UBE2U: variants seen among roughly 807,000 people sequenced by gnomAD.
UBE2U encodes ubiquitin-conjugating enzyme E2 U.
A neutral mutation model predicts 41.2 loss-of-function variants in UBE2U; 39 were observed. The observed-to-expected ratio is 0.95, with a 90% CI of 0.73 to 1.24. The LOEUF (loss-of-function observed/expected upper bound fraction) is 1.24. Ranked by LOEUF, UBE2U falls within the 50% of genes most tolerant of loss-of-function variation. The pLI is 0.00. For missense variants in UBE2U, 336 were observed against 363.1 expected, an observed-to-expected ratio of 0.93 and a Z score of 0.61; for synonymous variants, 107 against 117.8, an observed-to-expected ratio of 0.91 and a Z score of 0.60.
intron 9 of UBE2U, among the ~76,000 whole-genome samples, chr1:64,265,026 G>A (rs1246286564): frequency 1.3e-5 from 2 of 152,144 alleles, no homozygotes; most frequent in Non-Finnish European, 2.9e-5. Context: ...AATATGCTGG[G>A]CACTTCAGGG....
At chr1:64,254,438 C>T (rs776575466) in intron 8 of UBE2U, among the ~76,000 whole-genome samples, 1 of 152,148 alleles carries the variant, frequency 6.6e-6, no homozygotes, top group African/African-American at 2.4e-5. Flanking sequence ...ACTCTCCACC[C>T]AAAAACAACA....
chr1:64,239,156 G>GAAGAAGAAGA (rs1557730922), intron 7 of UBE2U, among the ~76,000 whole-genome samples: 1 of 28,398 alleles, frequency 3.5e-5, no homozygotes, highest in Non-Finnish European at 6.5e-5. Context: ...AGAAGAAGAA[G>GAAGAAGAAGA]AAAGAAGAAG....
chr1:64,267,032 TTTC>T lies in UBE2U; in HGVS notation c.781_783del (p.Leu261del). The T allele has an allele frequency of 6.5e-7, 1 of 1,547,982 alleles. No homozygotes were observed. The highest frequency in any genetic ancestry group is 8.7e-7 in the Non-Finnish European group (1 of 1,146,446). On this transcript the variant is annotated inframe_deletion, in exon 10 of 10. Coordinates refer to ENST00000371077, the MANE Select transcript of UBE2U (RefSeq NM_001366232.2). ...TATAATTCCCACCACAGATGAAATTTTTCTTGAGTCACCAACTGCAATAAATAG... is the reference window on the plus strand; with the variant it reads ...TATAATTCCCACCACAGATGAAATTTTTGAGTCACCAACTGCAATAAATAG...
chr1:64,226,668 AAAG>A (rs1431720629), intron 6 of UBE2U, among the ~76,000 whole-genome samples: 2 of 152,116 alleles, frequency 1.3e-5, no homozygotes, highest in Non-Finnish European at 2.9e-5. Flanking sequence ...CCATCTCTTA[AAAG>A]AAGAAAAAGA....
At chr1:64,205,529 A>G in intron 1 of UBE2U, 110 bp from the exon 2 acceptor site, 1 of 852,322 alleles carries the variant, frequency 1.2e-6, no homozygotes, top group Non-Finnish European at 1.8e-6. Flanking sequence ...CTTATCAAGG[A>G]AAGAAAATTT....
chr1:64,253,543 C>G (rs1570134735), intron 8 of UBE2U, among the ~76,000 whole-genome samples: 1 of 152,120 alleles, frequency 6.6e-6, no homozygotes, highest in African/African-American at 2.4e-5. Context: ...TAGGGAAGCC[C>G]ATCAGACTAA....
chr1:64,261,473 A>G (rs1310764211), intron 9 of UBE2U, among the ~76,000 whole-genome samples: 1 of 152,194 alleles, frequency 6.6e-6, no homozygotes, highest in East Asian at 1.9e-4. Context: ...GCCACTAAAC[A>G]TAACAGCATA....
intron 6 of UBE2U, among the ~76,000 whole-genome samples, chr1:64,222,865 G>GGCAGTT (rs1198875967): frequency 1.3e-5 from 2 of 152,162 alleles, no homozygotes; most frequent in Non-Finnish European, 2.9e-5. Context: ...GATATATCCA[G>GGCAGTT]GCAGTTGGAC....
In UBE2U at chr1:64,267,082, A is replaced by T; in HGVS notation, c.828A>T (p.Thr276=). Reference sequence around the variant, plus strand: ...ATAGCATCACAGACATTTATGAAACAGAAGAGGAGGGGTGGAAGAGTGACA... The same window carrying T: ...ATAGCATCACAGACATTTATGAAACTGAAGAGGAGGGGTGGAAGAGTGACA... ...AINSITDIYE[T]EEEGWKSDTS... is the part of the protein sequence containing the mutation. The change falls in exon 10 of 10, where the codon ACA becomes ACT. Residue 276 remains threonine, a synonymous_variant. Transcript: ENST00000371077. The T allele has an allele frequency of 6.4e-7, 1 of 1,550,492 alleles. No individual in the cohort carries two copies. Among genetic ancestry groups the T allele is most frequent in the Non-Finnish European group, 8.7e-7 (1 of 1,146,970 alleles).
At chr1:64,243,782 A>G (rs1193018718) in intron 8 of UBE2U, among the ~76,000 whole-genome samples, 1 of 152,130 alleles carries the variant, frequency 6.6e-6, no homozygotes, top group East Asian at 1.9e-4. Flanking sequence ...GCCTCGGATC[A>G]GCAAGGTCTT....
intron 8 of UBE2U, among the ~76,000 whole-genome samples, chr1:64,248,180 C>T (rs1472590097): frequency 6.6e-6 from 1 of 152,040 alleles, no homozygotes; most frequent in African/African-American, 2.4e-5. Context: ...TTAATGGGTT[C>T]GCTCTCCCTC....
At chr1:64,247,530 A>G (rs972385519) in intron 8 of UBE2U, among the ~76,000 whole-genome samples, 1 of 152,058 alleles carries the variant, frequency 6.6e-6, no homozygotes, top group African/African-American at 2.4e-5. Context: ...TATGGCGGAT[A>G]AGTAAGTTCT....
At chr1:64,239,130 A>AAGGAGAAGGAGAAGGAGAAGGAGAAGG (rs1557730284) in intron 7 of UBE2U, among the ~76,000 whole-genome samples, 8 of 23,176 alleles carry the variant, frequency 3.5e-4, no homozygotes, top group African/African-American at 1.7e-3. Flanking sequence ...GAAGAAGAAG[A>AAGGAGAAGGAGAAGGAGAAGGAGAAGG]AGAAGAAGAA....
intron 4 of UBE2U, among the ~76,000 whole-genome samples, chr1:64,213,972 A>T (rs963375558): frequency 6.6e-6 from 1 of 152,202 alleles, no homozygotes; most frequent in Non-Finnish European, 1.5e-5. Context: ...GTACAGTAAA[A>T]ATTTGGTATT....
intron 8 of UBE2U, among the ~76,000 whole-genome samples, chr1:64,251,244 G>T (rs997600939): frequency 1.3e-5 from 2 of 150,716 alleles, no homozygotes; most frequent in African/African-American, 4.9e-5. Context: ...TTAAATCAAG[G>T]TTACATTCCT....
In UBE2U at chr1:64,241,732, A is replaced by T. The variant is rs1644838337; in HGVS notation, c.676A>T (p.Lys226Ter). ...DLQHQKEWNL[K>*]YSVIKCWLAR... Reference sequence around the variant, plus strand: ...ACAGCATCAGAAAGAATGGAATTTAAAGTAAGAAATATGAAGTGCCTTGAA... The same window carrying T: ...ACAGCATCAGAAAGAATGGAATTTATAGTAAGAAATATGAAGTGCCTTGAA... The change falls in exon 8 of 10, where the codon AAG becomes TAG. Residue 226 changes from lysine to a stop codon, truncating the protein, a stop_gained and splice_region_variant. Transcript: ENST00000371077. LOFTEE classifies it high-confidence loss of function. The T allele has an allele frequency of 6.2e-7, 1 of 1,605,582 alleles. No individual in the cohort carries two copies. Among genetic ancestry groups the T allele is most frequent in the Non-Finnish European group, 8.5e-7 (1 of 1,175,150 alleles).
rs56972795 is a variant in UBE2U at position 64,208,603 on chromosome 1, CAAAAAAAAAAAAAAAAAAAAA to C, written c.241+1770_241+1790del. The stretch of plus-strand genomic sequence containing the variant: ...TGGGCAACAGAACAAGACGCTGTCT[CAAAAAAAAAAAAAAAAAAAAA>C]AAAAAAAAAAAAAAAAAAAAAAGAT... On this transcript the variant is annotated intron_variant, in intron 3 of 9. Coordinates refer to ENST00000371077, the MANE Select transcript of UBE2U (RefSeq NM_001366232.2). Among the ~76,000 whole-genome samples, 103 of 36,504 alleles carry C rather than the reference CAAAAAAAAAAAAAAAAAAAAA, an allele frequency of 2.8e-3. 1 individual carries two copies. Among genetic ancestry groups the C allele is most frequent in the African/African-American group, 0.012 (94 of 8,046 alleles). The allele number at this position is 36,504 out of a possible 152,430, so 23.9% of individuals were successfully genotyped here. A position where few individuals can be genotyped will look rare whatever the true frequency, so the allele number is the denominator to read the frequency against.
intron 4 of UBE2U, among the ~76,000 whole-genome samples, chr1:64,213,365 C>A (rs1256628857): frequency 3.3e-5 from 5 of 152,192 alleles, no homozygotes; most frequent in African/African-American, 1.2e-4. Flanking sequence ...GTCCAGCAAG[C>A]AGTTGTTCAT....
At chr1:64,263,372 G>C (rs1645208325) in intron 9 of UBE2U, among the ~76,000 whole-genome samples, 1 of 152,042 alleles carries the variant, frequency 6.6e-6, no homozygotes, top group Non-Finnish European at 1.5e-5. Flanking sequence ...GCATGATTTG[G>C]CTTGCTCTTT....
Sources: allele counts gnomAD v4.1 joint callset (sites outside exome capture counted in the v4.1 genomes callset), GRCh38; gene constraint gnomAD v4.1.1; transcripts MANE v1.5; gene names NCBI Gene and HGNC (gene_info 2026-07-23, HGNC 2026-07-21).